The following PID1 variants were observed in gnomAD, a reference collection of about 807,000 sequenced individuals.
The protein encoded by PID1 is PTB-containing, cubilin and LRP1-interacting protein.
A neutral mutation model predicts 19.1 loss-of-function variants in PID1; 10 were observed. The ratio of observed to expected loss-of-function variants is 0.52; its 90% CI spans 0.32 to 0.89. The LOEUF is 0.89. Among genes scored for constraint, PID1 ranks in the 40% least tolerant of loss-of-function variants. PID1 has a pLI of 0.03. For synonymous variants in PID1, 130 were observed against 116.0 expected, an observed-to-expected ratio of 1.12 and a Z score of -0.78; for missense variants, 248 against 285.3, an observed-to-expected ratio of 0.87 and a Z score of 0.94.
At chr2:229,081,861 G>A (rs1384482926) in intron 2 of PID1, among the ~76,000 whole-genome samples, 1 of 152,194 alleles carries the variant, frequency 6.6e-6, no homozygotes, top group East Asian at 1.9e-4. Flanking sequence ...AAATAGCTCA[G>A]GAAAGTACCA....
At chr2:229,059,629 G>A (rs941953325) in intron 2 of PID1, among the ~76,000 whole-genome samples, 1 of 152,150 alleles carries the variant, frequency 6.6e-6, no homozygotes, top group Non-Finnish European at 1.5e-5. Flanking sequence ...ATTCAAAACT[G>A]TACACTAAAT....
intron 2 of PID1, among the ~76,000 whole-genome samples, chr2:229,153,731 T>G (rs1690306478): frequency 6.6e-6 from 1 of 152,222 alleles, no homozygotes; most frequent in Non-Finnish European, 1.5e-5. Flanking sequence ...TTTTTCTCTC[T>G]CTTACAAACA....
In PID1 at chr2:229,218,054, A is replaced by G. The variant is rs115539585; in HGVS notation, c.30+52960T>C. On this transcript the variant is annotated intron_variant, in intron 1 of 2. Coordinates refer to ENST00000392055, the MANE Select transcript of PID1 (RefSeq NM_001100818.2). ...CTCGGCTGTGCAGCCCAAAATCTTT[A>G]TACATATCTATCTCTGTAATAGTCC... Among the ~76,000 whole-genome samples the G allele has an allele frequency of 5.5e-3, 834 of 152,304 alleles. 6 individuals carry two copies. The highest frequency in any genetic ancestry group is 0.019 in the African/African-American group (797 of 41,574).
At chr2:229,083,855 C>A (rs182713585) in intron 2 of PID1, among the ~76,000 whole-genome samples, 2 of 152,170 alleles carry the variant, frequency 1.3e-5, no homozygotes, top group Non-Finnish European at 2.9e-5. Context: ...AAGAGAGCTG[C>A]CACAGGGGCA....
chr2:229,029,968 A>G (rs753468221), intron 2 of PID1, among the ~76,000 whole-genome samples: 1 of 152,206 alleles, frequency 6.6e-6, no homozygotes, highest in Non-Finnish European at 1.5e-5. Flanking sequence ...TAGCAGCACT[A>G]TTTACAATAG....
At chr2:229,087,863 T>G (rs1694800023) in intron 2 of PID1, among the ~76,000 whole-genome samples, 1 of 152,184 alleles carries the variant, frequency 6.6e-6, no homozygotes, top group African/African-American at 2.4e-5. Flanking sequence ...CAATCAAGTA[T>G]GCCCTTTGTC....
intron 1 of PID1, among the ~76,000 whole-genome samples, chr2:229,208,144 G>A (rs906205983): frequency 6.6e-6 from 1 of 152,100 alleles, no homozygotes; most frequent in African/African-American, 2.4e-5. Context: ...CTTCCTACCA[G>A]GTCAATGAAT....
intron 1 of PID1, among the ~76,000 whole-genome samples, chr2:229,162,014 T>G (rs1050058846): frequency 6.6e-6 from 1 of 152,202 alleles, no homozygotes; most frequent in Non-Finnish European, 1.5e-5. Context: ...AAGAATCTAA[T>G]AGAGGAGCTT....
intron 1 of PID1, among the ~76,000 whole-genome samples, chr2:229,232,787 AAATATATAT>A (rs1692240513): frequency 2.5e-5 from 1 of 39,660 alleles, no homozygotes; most frequent in South Asian, 1.1e-3. Context: ...ACACACACAT[AAATATATAT>A]ATATATATAT....
At chr2:229,037,825 G>A (rs551229353) in intron 2 of PID1, among the ~76,000 whole-genome samples, 2 of 152,252 alleles carry the variant, frequency 1.3e-5, no homozygotes, top group Admixed American at 6.5e-5. Context: ...ATTCAGCAGA[G>A]CTCTCTAGGC....
chr2:229,071,457 C>T (rs551387585), intron 2 of PID1, among the ~76,000 whole-genome samples: 6 of 152,278 alleles, frequency 3.9e-5, no homozygotes, highest in East Asian at 3.9e-4. Flanking sequence ...GGACTCTGCA[C>T]GCATTATGTC....
At chr2:229,083,400 T>C (rs1412105863) in intron 2 of PID1, among the ~76,000 whole-genome samples, 1 of 152,178 alleles carries the variant, frequency 6.6e-6, no homozygotes, top group Non-Finnish European at 1.5e-5. Context: ...AGAATTTTTT[T>C]TAAGATCTAA....
intron 1 of PID1, among the ~76,000 whole-genome samples, chr2:229,209,399 G>A (rs1165250886): frequency 6.6e-6 from 1 of 152,196 alleles, no homozygotes; most frequent in Non-Finnish European, 1.5e-5. Flanking sequence ...TGGAATGTGA[G>A]CAGAAAGAAC....
chr2:229,196,917 C>A (rs1424302398), intron 1 of PID1, among the ~76,000 whole-genome samples: 1 of 151,952 alleles, frequency 6.6e-6, no homozygotes, highest in Non-Finnish European at 1.5e-5. Flanking sequence ...AAGTAAGTAG[C>A]ATTGATACAC....
chr2:229,187,117 C>T (rs1208805537), intron 1 of PID1, among the ~76,000 whole-genome samples: 4 of 152,136 alleles, frequency 2.6e-5, no homozygotes, highest in Non-Finnish European at 4.4e-5. Flanking sequence ...CCTTATTGTT[C>T]GTATCACTAT....
chr2:229,213,266 C>A (rs1008509624), intron 1 of PID1, among the ~76,000 whole-genome samples: 1 of 152,086 alleles, frequency 6.6e-6, no homozygotes, highest in Non-Finnish European at 1.5e-5. Context: ...GGGCCCAGCA[C>A]ACAGAGGACA....
At chr2:229,130,537 C>T (rs1021226288) in intron 2 of PID1, among the ~76,000 whole-genome samples, 1 of 152,144 alleles carries the variant, frequency 6.6e-6, no homozygotes, top group African/African-American at 2.4e-5. Context: ...AGGGATGTGG[C>T]GGAGCAAGTT....
intron 1 of PID1, among the ~76,000 whole-genome samples, chr2:229,228,981 C>T (rs1692143999): frequency 6.6e-6 from 1 of 152,110 alleles, no homozygotes; most frequent in Non-Finnish European, 1.5e-5. Flanking sequence ...AAAGAAATGC[C>T]TTTGAGATAT....
At chr2:229,164,036 C>G (rs1690549261) in intron 1 of PID1, among the ~76,000 whole-genome samples, 1 of 152,154 alleles carries the variant, frequency 6.6e-6, no homozygotes, top group African/African-American at 2.4e-5. Flanking sequence ...AACATTCCCT[C>G]ATGGTTAACA....
Sources: allele counts gnomAD v4.1 joint callset (sites outside exome capture counted in the v4.1 genomes callset), GRCh38; gene constraint gnomAD v4.1.1; transcripts MANE v1.5; gene names NCBI Gene and HGNC (gene_info 2026-07-23, HGNC 2026-07-21).